Variants in XPR1 observed in about 807,000 individuals in gnomAD.
XPR1 encodes xenotropic and polytropic retrovirus receptor 1.
XPR1 carries 28 observed loss-of-function variants against 87.5 expected under a neutral mutation model. That is an observed-to-expected ratio of 0.32 (90% confidence interval 0.24 to 0.44). XPR1 has a LOEUF of 0.44. XPR1 is among the 20% of genes least tolerant of loss of function. The pLI, the probability that XPR1 is intolerant of heterozygous loss-of-function variation, is 1.00. For missense variants in XPR1, 559 were observed against 862.3 expected (o/e 0.65, Z 4.41); for synonymous variants, 300 against 306.1 (o/e 0.98, Z 0.21).
intron 11 of XPR1, among the ~76,000 whole-genome samples, chr1:180,850,463 T>C (rs1651829420): frequency 6.6e-6 from 1 of 152,238 alleles, no homozygotes; most frequent in Non-Finnish European, 1.5e-5. Flanking sequence ...TCTGCATTTA[T>C]TTTATATTCA....
intron 7 of XPR1, among the ~76,000 whole-genome samples, chr1:180,814,181 A>C (rs978188604): frequency 2.0e-5 from 3 of 152,212 alleles, no homozygotes; most frequent in African/African-American, 7.2e-5. Context: ...TGGCTTTTAG[A>C]GAACATATGA....
intron 13 of XPR1, among the ~76,000 whole-genome samples, chr1:180,875,934 A>T (rs1476924912): frequency 6.6e-6 from 1 of 152,150 alleles, no homozygotes; most frequent in Admixed American, 6.5e-5. Flanking sequence ...AATAAATTTA[A>T]AAATTTAGAT....
intron 2 of XPR1, among the ~76,000 whole-genome samples, chr1:180,777,358 C>T (rs1439202328): frequency 6.6e-6 from 1 of 152,206 alleles, no homozygotes; most frequent in Non-Finnish European, 1.5e-5. Flanking sequence ...AAAAATGTCT[C>T]ATTGGTCTCA....
At chr1:180,846,449 A>ATT (rs112275972) in intron 11 of XPR1, among the ~76,000 whole-genome samples, 50,275 of 145,506 alleles carry the variant, frequency 0.35, 8,849 homozygotes, top group Non-Finnish European at 0.39. Context: ...TTATTTATTT[A>ATT]TTTTTTTTTT....
intron 1 of XPR1, among the ~76,000 whole-genome samples, chr1:180,677,847 C>A (rs1267989877): frequency 6.6e-6 from 1 of 152,196 alleles, no homozygotes; most frequent in East Asian, 1.9e-4. Context: ...CTGGAATGAA[C>A]AAGGACAATT....
In XPR1 at chr1:180,853,626, G is replaced by GACACACACACACACACAC. The variant is rs143320476; in HGVS notation, c.1502-10057_1502-10040dup. On this transcript the variant is annotated intron_variant, in intron 11 of 14. Transcript: ENST00000367590. ...TTGGGTATTTTGTTATTAGACTATAGACACACACACACACACACACACACA... is the reference window on the plus strand; with the variant it reads ...TTGGGTATTTTGTTATTAGACTATAGACACACACACACACACACACACACACACACACACACACACACA... 2.5e-3 allele frequency among the ~76,000 whole-genome samples: 344 copies of GACACACACACACACACAC among 140,328 alleles called. 3 individuals carry two copies. The highest frequency in any genetic ancestry group is 4.2e-3 in the Non-Finnish European group (269 of 64,518). The allele number at this position is 140,328 out of a possible 152,430, so 92.1% of individuals were successfully genotyped here. A position where few individuals can be genotyped will look rare whatever the true frequency, so the allele number is the denominator to read the frequency against.
intron 1 of XPR1, among the ~76,000 whole-genome samples, chr1:180,658,303 A>G (rs1322119678): frequency 1.3e-5 from 2 of 152,172 alleles, no homozygotes; most frequent in Non-Finnish European, 2.9e-5. Context: ...TGATTGCTCT[A>G]GCTAGCACTT....
chr1:180,733,378 T>G (rs1658622019), intron 2 of XPR1, among the ~76,000 whole-genome samples: 1 of 152,212 alleles, frequency 6.6e-6, no homozygotes, highest in Admixed American at 6.5e-5. Context: ...CCGTATCATT[T>G]TGGCTCTTTC....
At chr1:180,666,339 T>C (rs1172305682) in intron 1 of XPR1, among the ~76,000 whole-genome samples, 1 of 152,208 alleles carries the variant, frequency 6.6e-6, no homozygotes, top group East Asian at 1.9e-4. Flanking sequence ...GTTTAGGATT[T>C]CGATAGGTAC....
intron 2 of XPR1, among the ~76,000 whole-genome samples, chr1:180,760,400 A>C (rs1379790852): frequency 1.3e-5 from 2 of 152,252 alleles, no homozygotes; most frequent in African/African-American, 4.8e-5. Context: ...TAAGCTGATA[A>C]GCAACTTCAG....
chr1:180,776,065 A>G (rs915700231), intron 2 of XPR1, among the ~76,000 whole-genome samples: 1 of 152,164 alleles, frequency 6.6e-6, no homozygotes, highest in African/African-American at 2.4e-5. Context: ...TCTCTGAAAT[A>G]CTCAAATACT....
intron 2 of XPR1, among the ~76,000 whole-genome samples, chr1:180,726,862 A>G (rs190304976): frequency 2.0e-5 from 3 of 151,960 alleles, no homozygotes; most frequent in East Asian, 3.9e-4. Context: ...AATATTTTTA[A>G]ATGTATGTTT....
At chr1:180,737,365 A>G (rs77079092) in intron 2 of XPR1, among the ~76,000 whole-genome samples, 23 of 152,362 alleles carry the variant, frequency 1.5e-4, no homozygotes, top group Non-Finnish European at 2.6e-4. Context: ...AACATTTTCT[A>G]AAACGTGATA....
At position 180,884,370 on chromosome 1, in the gene XPR1, A is replaced by G. The variant is rs1571259800; in HGVS notation, c.*304A>G. The G allele has an allele frequency of 8.7e-6, 2 of 229,286 alleles. No individual in the cohort carries two copies. The highest frequency in any genetic ancestry group is 2.2e-4 in the East Asian group (2 of 9,110). 14.2% of individuals were successfully genotyped at this position (229,286 alleles called of 1,614,324 possible). On this transcript the variant is annotated 3_prime_UTR_variant, in exon 15 of 15. Transcript: ENST00000367590. ...TGTTTACAATCACAAGGACATAGAT[A>G]CCTATCAGGATGAAGAACAGGCATT...
chr1:180,824,267 C>T (rs1393854930), intron 7 of XPR1, among the ~76,000 whole-genome samples: 1 of 152,104 alleles, frequency 6.6e-6, no homozygotes, highest in Admixed American at 6.5e-5. Context: ...AACCCACAGG[C>T]GACTTTTTAA....
At chr1:180,644,300 G>C (rs140007984) in intron 1 of XPR1, among the ~76,000 whole-genome samples, 2 of 152,076 alleles carry the variant, frequency 1.3e-5, no homozygotes, top group African/African-American at 4.8e-5. Flanking sequence ...TCAGGTCCTC[G>C]GGTAGGGGTG....
At chr1:180,786,063 G>A (rs73036573) in intron 2 of XPR1, among the ~76,000 whole-genome samples, 3,732 of 151,856 alleles carry the variant, frequency 0.025, 167 homozygotes, top group African/African-American at 0.084. Flanking sequence ...CCTAGATTGC[G>A]GAGTTTAAAG....
intron 2 of XPR1, among the ~76,000 whole-genome samples, chr1:180,710,139 G>A (rs1290431939): frequency 6.0e-5 from 9 of 150,632 alleles, no homozygotes; most frequent in African/African-American, 1.7e-4. Context: ...TGATCTCCCC[G>A]TCTTCGCCTC....
intron 1 of XPR1, among the ~76,000 whole-genome samples, chr1:180,672,511 G>A (rs1445719268): frequency 1.3e-5 from 2 of 152,064 alleles, no homozygotes; most frequent in African/African-American, 4.8e-5. Context: ...TTGATTCTTT[G>A]TATAGTACAC....
Sources: allele counts gnomAD v4.1 joint callset (sites outside exome capture counted in the v4.1 genomes callset), GRCh38; gene constraint gnomAD v4.1.1; transcripts MANE v1.5; gene names NCBI Gene and HGNC (gene_info 2026-07-23, HGNC 2026-07-21).